The following DYM variants were observed in gnomAD, a reference collection of about 807,000 sequenced individuals.
DYM encodes dyggve-Melchior-Clausen syndrome protein.
In DYM, 78 loss-of-function variants were observed where a neutral mutation model predicts 93.1. That is an observed-to-expected ratio of 0.84 (90% CI 0.70 to 1.01). DYM has a LOEUF of 1.01. Among genes scored for constraint, DYM ranks in the 50% least tolerant of loss-of-function variants. The pLI is 0.00. For synonymous variants in DYM, 321 were observed against 319.7 expected, an observed-to-expected ratio of 1.00 and a Z score of -0.04; for missense variants, 789 against 845.0, an observed-to-expected ratio of 0.93 and a Z score of 0.82.
At chr18:49,416,139 T>C (rs1372663914) in intron 2 of DYM, among the ~76,000 whole-genome samples, 1 of 152,064 alleles carries the variant, frequency 6.6e-6, no homozygotes, top group African/African-American at 2.4e-5. Flanking sequence ...CAAGACAGAG[T>C]CCTAGGTCTT....
At chr18:49,372,588 T>C (rs2067144352) in intron 5 of DYM, among the ~76,000 whole-genome samples, 1 of 151,964 alleles carries the variant, frequency 6.6e-6, no homozygotes, top group South Asian at 2.1e-4. Context: ...ACTAAAAAAA[T>C]ACAAAAATTA....
intron 11 of DYM, among the ~76,000 whole-genome samples, chr18:49,265,400 T>G (rs777878353): frequency 6.6e-6 from 1 of 152,062 alleles, no homozygotes; most frequent in African/African-American, 2.4e-5. Flanking sequence ...TCTGACTAAA[T>G]AGTGGAAGGA....
At chr18:49,310,858 T>C (rs1483608770) in intron 8 of DYM, among the ~76,000 whole-genome samples, 2 of 152,196 alleles carry the variant, frequency 1.3e-5, no homozygotes, top group Non-Finnish European at 2.9e-5. Flanking sequence ...AAGGGCCACA[T>C]TTATAATGTT....
chr18:49,102,576 C>G (rs1316311350), intron 16 of DYM, among the ~76,000 whole-genome samples: 1 of 152,142 alleles, frequency 6.6e-6, no homozygotes, highest in Non-Finnish European at 1.5e-5. Context: ...CTCCCCCAAC[C>G]CCACAACAGG....
chr18:49,431,276 T>C (rs888104699), intron 1 of DYM, among the ~76,000 whole-genome samples: 3 of 152,234 alleles, frequency 2.0e-5, no homozygotes, highest in Non-Finnish European at 4.4e-5. Flanking sequence ...AGGGCACATA[T>C]GCAGTTTTAG....
At chr18:49,439,695 G>C (rs895642788) in intron 1 of DYM, among the ~76,000 whole-genome samples, 3 of 152,058 alleles carry the variant, frequency 2.0e-5, no homozygotes, top group Admixed American at 2.0e-4. Context: ...CATCAAACTA[G>C]TAAACATTAA....
chr18:49,422,202 G>C (rs1354160964), intron 2 of DYM, among the ~76,000 whole-genome samples: 1 of 152,158 alleles, frequency 6.6e-6, no homozygotes, highest in Non-Finnish European at 1.5e-5. Context: ...ACACATAATT[G>C]TCAGATTCAA....
rs1196314550 is a variant in DYM, at chr18:49,037,870, G to A, written c.*6185C>T. ...GACAGGGTCTTGCTCTGTCACCCAA[G>A]CTGGAGTGCAGTAGTGCAATTATAG... On this transcript the variant is annotated 3_prime_UTR_variant, in exon 18 of 18. Coordinates refer to ENST00000675505, the MANE Select transcript of DYM (RefSeq NM_001353214.3). 2.0e-5 allele frequency among the ~76,000 whole-genome samples: 3 copies of A among 152,166 alleles called. No homozygotes were observed. The highest frequency in any genetic ancestry group is 7.2e-5 in the African/African-American group (3 of 41,416).
chr18:49,296,215 C>CAA (rs1218106051), intron 8 of DYM, among the ~76,000 whole-genome samples: 1 of 152,164 alleles, frequency 6.6e-6, no homozygotes, highest in Non-Finnish European at 1.5e-5. Flanking sequence ...AGGCACGAGC[C>CAA]ACCCAAAACC....
At chr18:49,206,004 T>TTTTTTTC (rs1409602811) in intron 14 of DYM, 1 of 156,120 alleles carries the variant, frequency 6.4e-6, no homozygotes, top group Non-Finnish European at 1.3e-5. Flanking sequence ...TTTTTTTTTG[T>TTTTTTTC]TTTTTTGTTT....
intron 13 of DYM, among the ~76,000 whole-genome samples, chr18:49,251,666 C>T (rs541179885): frequency 6.6e-6 from 1 of 152,282 alleles, no homozygotes; most frequent in East Asian, 1.9e-4. Context: ...CACCATAATC[C>T]TTTGAGATAG....
intron 14 of DYM, among the ~76,000 whole-genome samples, chr18:49,192,208 C>T (rs2091044218): frequency 6.6e-6 from 1 of 150,962 alleles, no homozygotes; most frequent in South Asian, 2.1e-4. Flanking sequence ...AGGCATGGGC[C>T]ACTGCACCTA....
chr18:49,284,682 T>C (rs959982840), intron 9 of DYM, among the ~76,000 whole-genome samples: 94 of 152,322 alleles, frequency 6.2e-4, no homozygotes, highest in African/African-American at 2.2e-3. Context: ...AGAGGTATGG[T>C]GTGAAGCCAG....
chr18:49,459,320 T>C (rs1483651432), intron 1 of DYM, among the ~76,000 whole-genome samples: 3 of 152,170 alleles, frequency 2.0e-5, no homozygotes, highest in Non-Finnish European at 4.4e-5. Flanking sequence ...ACTTGTCCGG[T>C]CTATCTCCAA....
At chr18:49,201,601 G>C (rs1419236285) in intron 14 of DYM, among the ~76,000 whole-genome samples, 2 of 152,182 alleles carry the variant, frequency 1.3e-5, no homozygotes. Context: ...CGAGAGTCTG[G>C]CCCTGGAGAA....
chr18:49,324,994 T>C (rs2146672561), intron 8 of DYM, among the ~76,000 whole-genome samples: 1 of 152,272 alleles, frequency 6.6e-6, no homozygotes, highest in African/African-American at 2.4e-5. Flanking sequence ...CTGATTCTGA[T>C]TATCAGGCTC....
chr18:49,210,218 A>G (rs1263368367), intron 13 of DYM, among the ~76,000 whole-genome samples: 2 of 152,240 alleles, frequency 1.3e-5, no homozygotes. Context: ...AATTTATCCA[A>G]AAGAGTTGAA....
rs1263300161 is a variant in DYM at position 49,038,938 on chromosome 18, C to G, written c.*5117G>C. On this transcript the variant is annotated 3_prime_UTR_variant, in exon 18 of 18. Transcript: ENST00000675505. ...TTTCATTTTCATACATTTTATTTCT[C>G]TATATATTTAAAACTCCATAAGACA... 6.6e-6 allele frequency among the ~76,000 whole-genome samples: 1 copy of G among 152,144 alleles called. No homozygotes were observed. The highest frequency in any genetic ancestry group is 1.5e-5 in the Non-Finnish European group (1 of 68,028).
intron 11 of DYM, among the ~76,000 whole-genome samples, chr18:49,271,719 G>C (rs1490215438): frequency 6.6e-6 from 1 of 151,682 alleles, no homozygotes. Context: ...GACCAGTTTG[G>C]GAATAAAACT....
Sources: gnomAD v4.1 joint callset for allele counts (sites outside exome capture counted in the v4.1 genomes callset) on GRCh38, gnomAD v4.1.1 for gene constraint, MANE v1.5 for transcripts, NCBI Gene and HGNC (gene_info 2026-07-23, HGNC 2026-07-21) for gene names.